The following LPP variants were observed in gnomAD, a reference collection of about 807,000 sequenced individuals.
LPP encodes the protein lipoma-preferred partner.
Under a neutral mutation model 60.4 loss-of-function variants are expected in LPP, and 38 were observed. The ratio of observed to expected loss-of-function variants is 0.63; its 90% CI spans 0.49 to 0.83. The LOEUF (loss-of-function observed/expected upper bound fraction) is 0.83. LPP is among the 40% of genes least tolerant of loss of function. LPP has a pLI of 0.00. For synonymous variants in LPP, 328 were observed against 290.8 expected, an observed-to-expected ratio of 1.13 and a Z score of -1.30; for missense variants, 902 against 783.6, an observed-to-expected ratio of 1.15 and a Z score of -1.80.
chr3:188,400,773 T>C (rs1046678669), intron 3 of LPP, among the ~76,000 whole-genome samples: 3 of 152,154 alleles, frequency 2.0e-5, no homozygotes, highest in Admixed American at 6.5e-5. Flanking sequence ...TTCATGATGA[T>C]TATGAACTTC....
intron 4 of LPP, among the ~76,000 whole-genome samples, chr3:188,464,445 C>T (rs1799870151): frequency 6.6e-6 from 1 of 152,190 alleles, no homozygotes. Flanking sequence ...CAGTATGGAA[C>T]ATTCCCACCA....
chr3:188,288,909 A>T (rs946794764), intron 2 of LPP, among the ~76,000 whole-genome samples: 1 of 148,794 alleles, frequency 6.7e-6, no homozygotes, highest in Non-Finnish European at 1.5e-5. Flanking sequence ...GGAACAAAAT[A>T]AATGATGTTA....
At chr3:188,318,753 C>CTT (rs10708836) in intron 2 of LPP, among the ~76,000 whole-genome samples, 1,484 of 96,734 alleles carry the variant, frequency 0.015, 23 homozygotes, top group African/African-American at 0.021. Context: ...AATTATGATT[C>CTT]TTTTTTTTTT....
Position 188,866,315 on chromosome 3 carries a change from T to C in LPP, c.1526T>C (p.Leu509Pro). ...ACCTGCGTGATGTGCCACCGCAGCC[T>C]GGATGGGATCCCATTCACTGTGGAT... Reference protein sequence around the residue: ...CFTCVMCHRSLDGIPFTVDAG... With the variant: ...CFTCVMCHRSPDGIPFTVDAG... Residue 509 changes from leucine to proline, a missense_variant, in exon 10 of 12, where the codon CTG becomes CCG. Physicochemically the swap from Leu to Pro is moderately conservative, Grantham distance 98. Transcript: ENST00000617246. 4 of 1,587,988 alleles carry C rather than the reference T, an allele frequency of 2.5e-6. No individual in the cohort carries two copies. The highest frequency in any genetic ancestry group is 3.4e-6 in the Non-Finnish European group (4 of 1,166,200).
Position 188,872,694 on chromosome 3 carries a change from G to A in LPP, c.1641G>A (p.Pro547=). 1 of 1,614,136 alleles carries A rather than the reference G, an allele frequency of 6.2e-7. No homozygotes were observed. The highest frequency in any genetic ancestry group is 1.1e-5 in the South Asian group (1 of 91,086). The part of the protein sequence containing the change: ...SVCKEPIMPA[P]GQEETVRIVA... ...GCAAGGAGCCTATTATGCCAGCCCC[G>A]GGCCAGGAGGAGACTGTCCGTATTG... The change falls in exon 11 of 12, where the codon CCG becomes CCA. Residue 547 remains proline (P), a synonymous_variant. Coordinates refer to ENST00000617246, the MANE Select transcript of LPP (RefSeq NM_001375462.1).
chr3:188,831,985 G>T (rs1013822284), intron 9 of LPP, among the ~76,000 whole-genome samples: 1 of 152,194 alleles, frequency 6.6e-6, no homozygotes, highest in Non-Finnish European at 1.5e-5. Context: ...TTTATTCTGG[G>T]ATATTGGAAG....
Position 188,882,742 on chromosome 3 carries a change from CT to C in LPP, c.*8272del, listed in dbSNP as rs530271084. On this transcript the variant is annotated 3_prime_UTR_variant, in exon 12 of 12. Coordinates refer to ENST00000617246, the MANE Select transcript of LPP (RefSeq NM_001375462.1). The stretch of plus-strand genomic sequence containing the variant: ...ACAGATTCATTGCTAAGTGCCAATT[CT>C]TTTTTTTTCTTTTGAGACGGAGTCT... 7.3e-5 allele frequency: 14 copies of C among 191,712 alleles called. No homozygotes were observed. The highest frequency in any genetic ancestry group is 2.0e-4 in the South Asian group (1 of 5,108). 11.9% of individuals were successfully genotyped at this position (191,712 alleles called of 1,614,324 possible). A position where few individuals can be genotyped will look rare whatever the true frequency, so the allele number is the denominator to read the frequency against.
chr3:188,863,636 C>A (rs4525856), intron 9 of LPP, among the ~76,000 whole-genome samples: 34,565 of 152,138 alleles, frequency 0.23, 5,521 homozygotes, highest in East Asian at 0.8. Flanking sequence ...GATAACATGT[C>A]CTTCTACATC....
chr3:188,873,131 T>A (rs1768594536), intron 11 of LPP, among the ~76,000 whole-genome samples: 1 of 152,238 alleles, frequency 6.6e-6, no homozygotes, highest in Non-Finnish European at 1.5e-5. Flanking sequence ...TAGAACTTCT[T>A]GTTCAGAGTC....
At chr3:188,405,461 G>T (rs899306451) in intron 3 of LPP, among the ~76,000 whole-genome samples, 1 of 152,004 alleles carries the variant, frequency 6.6e-6, no homozygotes, top group Non-Finnish European at 1.5e-5. Context: ...CACACTAAAC[G>T]TAAATGCTGT....
chr3:188,391,878 G>GT (rs1166470545), intron 3 of LPP, among the ~76,000 whole-genome samples: 2 of 152,058 alleles, frequency 1.3e-5, no homozygotes, highest in African/African-American at 4.8e-5. Flanking sequence ...CCCCATGTCT[G>GT]TGTCACCATT....
chr3:188,854,133 C>G (rs755550336), intron 9 of LPP, among the ~76,000 whole-genome samples: 2 of 152,192 alleles, frequency 1.3e-5, no homozygotes, highest in African/African-American at 4.8e-5. Flanking sequence ...GTCCACCACC[C>G]TTTTGCAACA....
At chr3:188,295,872 G>A (rs770113103) in intron 2 of LPP, among the ~76,000 whole-genome samples, 5 of 152,106 alleles carry the variant, frequency 3.3e-5, no homozygotes, top group Non-Finnish European at 7.4e-5. Context: ...AAACCCAGGG[G>A]CAGTGTAGGT....
At chr3:188,304,570 T>C (rs764343299) in intron 2 of LPP, among the ~76,000 whole-genome samples, 1 of 152,218 alleles carries the variant, frequency 6.6e-6, no homozygotes, top group Non-Finnish European at 1.5e-5. Flanking sequence ...CATAAAGTTA[T>C]ATCTTAATAT....
chr3:188,517,144 T>C (rs1817599972), intron 5 of LPP, among the ~76,000 whole-genome samples: 1 of 152,182 alleles, frequency 6.6e-6, no homozygotes, highest in South Asian at 2.1e-4. Context: ...TAAACCTATT[T>C]AATTTTTACA....
intron 4 of LPP, among the ~76,000 whole-genome samples, chr3:188,416,572 G>A (rs1029668579): frequency 6.6e-6 from 1 of 152,174 alleles, no homozygotes; most frequent in Non-Finnish European, 1.5e-5. Context: ...CGTAGTTAAT[G>A]ATGGTAGCTT....
At chr3:188,614,760 C>G (rs1475458578) in intron 7 of LPP, among the ~76,000 whole-genome samples, 1 of 152,186 alleles carries the variant, frequency 6.6e-6, no homozygotes, top group African/African-American at 2.4e-5. Context: ...AGCTCCTCAT[C>G]AGCGCCAGTG....
Position 188,882,382 on chromosome 3 carries a change from A to G in LPP, c.*7903A>G. 1 of 226,524 alleles carries G rather than the reference A, an allele frequency of 4.4e-6. No individual in the cohort carries two copies. The highest frequency in any genetic ancestry group is 8.8e-6 in the Non-Finnish European group (1 of 113,820). 14.0% of individuals were successfully genotyped at this position (226,524 alleles called of 1,614,324 possible). A position where few individuals can be genotyped will look rare whatever the true frequency, so the allele number is the denominator to read the frequency against. On this transcript the variant is annotated 3_prime_UTR_variant, in exon 12 of 12. Transcript: ENST00000617246. ...AGAAAAAAAAGGCTTCCAAATAATC[A>G]GGCTGAATGGGAAGAAAAAGGCATA...
chr3:188,301,004 A>G (rs1233306485), intron 2 of LPP, among the ~76,000 whole-genome samples: 1 of 152,044 alleles, frequency 6.6e-6, no homozygotes, highest in South Asian at 2.1e-4. Flanking sequence ...ATGCATTTCT[A>G]TGTGTCTGCT....
Sources: gnomAD v4.1 joint callset for allele counts (sites outside exome capture counted in the v4.1 genomes callset) on GRCh38, gnomAD v4.1.1 for gene constraint, MANE v1.5 for transcripts, NCBI Gene and HGNC (gene_info 2026-07-23, HGNC 2026-07-21) for gene names.